KSR2: variants seen among roughly 807,000 people sequenced by gnomAD.
The protein encoded by KSR2 is kinase suppressor of ras 2.
In KSR2, 25 loss-of-function variants were observed where a neutral mutation model predicts 107.8. The ratio of observed to expected loss-of-function variants is 0.23; its 90% confidence interval spans 0.17 to 0.32. KSR2 has a LOEUF of 0.32. Among genes scored for constraint, KSR2 ranks in the 10% least tolerant of loss-of-function variants. KSR2 has a pLI of 1.00. For synonymous variants in KSR2, 480 were observed against 507.0 expected (o/e 0.95, Z 0.71); for missense variants, 887 against 1,268.9 (o/e 0.70, Z 4.57).
intron 14 of KSR2, among the ~76,000 whole-genome samples, chr12:117,519,644 G>A (rs1319929965): frequency 6.6e-6 from 1 of 152,196 alleles, no homozygotes; most frequent in African/African-American, 2.4e-5. Context: ...GCTAATATTT[G>A]TGGAATGAGT....
intron 3 of KSR2, among the ~76,000 whole-genome samples, chr12:117,792,750 C>T (rs1453662548): frequency 1.3e-5 from 2 of 152,232 alleles, no homozygotes; most frequent in South Asian, 2.1e-4. Context: ...GTGATTGATG[C>T]ACCCAATCAT....
chr12:117,773,617 T>G (rs538130590), intron 3 of KSR2, among the ~76,000 whole-genome samples: 1 of 152,326 alleles, frequency 6.6e-6, no homozygotes, highest in South Asian at 2.1e-4. Flanking sequence ...GTAACTTTTG[T>G]GAATACTTCA....
At chr12:117,872,617 C>T (rs1893688044) in intron 1 of KSR2, among the ~76,000 whole-genome samples, 1 of 151,990 alleles carries the variant, frequency 6.6e-6, no homozygotes, top group African/African-American at 2.4e-5. Context: ...AATTCTGATT[C>T]AGTGAATCTG....
intron 16 of KSR2, among the ~76,000 whole-genome samples, chr12:117,477,763 T>C (rs999783392): frequency 2.0e-5 from 3 of 152,242 alleles, no homozygotes; most frequent in African/African-American, 7.2e-5. Context: ...TCCCATCCTA[T>C]GTATCAAAGT....
In KSR2 at chr12:117,842,819, G is replaced by A. The variant is rs1892543560; in HGVS notation, c.472+12609C>T. 1.3e-5 allele frequency among the ~76,000 whole-genome samples: 2 copies of A among 152,084 alleles called. No individual in the cohort carries two copies. Among genetic ancestry groups the A allele is most frequent in the Admixed American group, 1.3e-4 (2 of 15,276 alleles). On this transcript the variant is annotated intron_variant, in intron 3 of 19. Transcript: ENST00000339824. This position sits in a 1 kb window ranked among gnomAD's most constrained non-coding sequence, Gnocchi z 4.2. ...GCAAGAAAGAGAAAGTGGGCTGCAG[G>A]GGGACAGGACAGGTGGATGAAGCCT...
chr12:117,592,009 G>GA (rs369989954), intron 5 of KSR2, among the ~76,000 whole-genome samples: 21 of 142,376 alleles, frequency 1.5e-4, no homozygotes, highest in African/African-American at 2.8e-4. Context: ...ATTCTGTCTC[G>GA]AAAAAAAAAA....
intron 4 of KSR2, among the ~76,000 whole-genome samples, chr12:117,672,054 G>A (rs1022135390): frequency 6.6e-6 from 1 of 152,152 alleles, no homozygotes; most frequent in African/African-American, 2.4e-5. Context: ...CTCCCCAGGG[G>A]CCCACGGCGA....
At chr12:117,658,803 A>G (rs1884296781) in intron 5 of KSR2, among the ~76,000 whole-genome samples, 1 of 152,152 alleles carries the variant, frequency 6.6e-6, no homozygotes, top group African/African-American at 2.4e-5. Flanking sequence ...ACCCCCCTGC[A>G]GCGCTACCAC....
chr12:117,769,689 C>T lies in KSR2; in HGVS notation c.473-8165G>A, dbSNP rs548807033. Among the ~76,000 whole-genome samples, 16 of 152,310 alleles carry T rather than the reference C, an allele frequency of 1.1e-4. 1 individual carries two copies. The South Asian group carries it at 1.7e-3, about 16-fold the overall frequency. On this transcript the variant is annotated intron_variant, in intron 3 of 19. Coordinates refer to ENST00000339824, the MANE Select transcript of KSR2 (RefSeq NM_173598.6). ...GTGTAAAACCATCTGTTTCACAGAA[C>T]GCCACTGAGGATTAAATAAATGCAT... is the stretch of plus-strand genomic sequence containing the variant.
chr12:117,469,603 A>AAGGTGACAAAGGGAG, intron 19 of KSR2, 59 bp downstream of exon 19: 1 of 1,584,440 alleles, frequency 6.3e-7, no homozygotes, highest in South Asian at 1.1e-5. Flanking sequence ...GGGGATCAAA[A>AAGGTGACAAAGGGAG]AGGTGACAAA....
chr12:117,876,633 C>T (rs1161440879), intron 1 of KSR2, among the ~76,000 whole-genome samples: 1 of 151,986 alleles, frequency 6.6e-6, no homozygotes, highest in Non-Finnish European at 1.5e-5. Context: ...ATAATTTTAA[C>T]ATTTACACAA....
At chr12:117,517,909 G>C (rs1874481817) in intron 14 of KSR2, 4 of 455,204 alleles carry the variant, frequency 8.8e-6, no homozygotes, top group Middle Eastern at 6.9e-4. Flanking sequence ...GAAAAAGCAA[G>C]TTGATGGAGT....
chr12:117,679,635 C>A (rs1324106618), intron 4 of KSR2, among the ~76,000 whole-genome samples: 1 of 152,136 alleles, frequency 6.6e-6, no homozygotes, highest in Non-Finnish European at 1.5e-5. Context: ...TGTGGTGAAC[C>A]AGTAACTGAT....
chr12:117,843,244 G>A lies in KSR2; in HGVS notation c.472+12184C>T, dbSNP rs1257516973. On this transcript the variant is annotated intron_variant, in intron 3 of 19. Coordinates refer to ENST00000339824, the MANE Select transcript of KSR2 (RefSeq NM_173598.6). ...AAGGAGGGAGAGAGGAAGGGAAATT[G>A]ACTCATGGATTTAGTTTAGCCTAGA... 2.0e-5 allele frequency among the ~76,000 whole-genome samples: 3 copies of A among 152,282 alleles called. No individual in the cohort carries two copies. In the East Asian group the frequency reaches 5.8e-4, roughly 29 times the overall value.
At chr12:117,702,717 C>G (rs1477194241) in intron 4 of KSR2, among the ~76,000 whole-genome samples, 2 of 152,170 alleles carry the variant, frequency 1.3e-5, no homozygotes, top group African/African-American at 4.8e-5. Flanking sequence ...CCCCACCAAG[C>G]TGGAATATTC....
At chr12:117,541,933 TG>T (rs1876521793) in intron 9 of KSR2, among the ~76,000 whole-genome samples, 2 of 152,132 alleles carry the variant, frequency 1.3e-5, no homozygotes, top group Non-Finnish European at 2.9e-5. Flanking sequence ...CGGCCTGGGC[TG>T]GAGGGTAATG....
At chr12:117,653,396 A>C (rs1201304462) in intron 5 of KSR2, among the ~76,000 whole-genome samples, 1 of 152,164 alleles carries the variant, frequency 6.6e-6, no homozygotes, top group African/African-American at 2.4e-5. Context: ...ATATACCTTC[A>C]CTGTCCTACC....
At chr12:117,940,536 G>A (rs1348349471) in intron 1 of KSR2, among the ~76,000 whole-genome samples, 1 of 152,080 alleles carries the variant, frequency 6.6e-6, no homozygotes, top group Non-Finnish European at 1.5e-5. Flanking sequence ...TTTTCCCAGG[G>A]ATTGAATTCA....
At chr12:117,656,617 A>C (rs1884168280) in intron 5 of KSR2, among the ~76,000 whole-genome samples, 1 of 152,192 alleles carries the variant, frequency 6.6e-6, no homozygotes, top group African/African-American at 2.4e-5. Flanking sequence ...TGAATCTAAA[A>C]AATTAACGTT....
Sources: gnomAD v4.1 joint callset for allele counts (sites outside exome capture counted in the v4.1 genomes callset) on GRCh38, gnomAD v4.1.1 for gene constraint, Gnocchi (gnomAD v3.1) non-coding constraint, MANE v1.5 for transcripts, NCBI Gene and HGNC (gene_info 2026-07-23, HGNC 2026-07-21) for gene names.